ZNF174: variants seen among roughly 807,000 people sequenced by gnomAD.
ZNF174 encodes AW-1.
In ZNF174, 30 loss-of-function variants were observed where a neutral mutation model predicts 38.7. The observed-to-expected ratio is 0.78, with a 90% CI of 0.58 to 1.05. The LOEUF is 1.05. ZNF174 is among the 50% of genes least tolerant of loss of function. ZNF174 has a pLI of 0.00. For synonymous variants in ZNF174, 201 were observed against 181.7 expected, an observed-to-expected ratio of 1.11 and a Z score of -0.86; for missense variants, 499 against 495.6, an observed-to-expected ratio of 1.01 and a Z score of -0.06.
rs762610681 is a variant in ZNF174 at position 3,408,276 on chromosome 16, T to C, written c.626-45T>C. 3 of 1,518,574 alleles carry C rather than the reference T, an allele frequency of 2.0e-6. No individual in the cohort carries two copies. The Admixed American group carries it at 6.6e-5, about 33-fold the overall frequency. 94.1% of individuals were successfully genotyped at this position (1,518,574 alleles called of 1,614,324 possible). ...TATTTCATAACTCTTGCTGAAGTTATTTCTTCCAAGTGCAGAAAATGAAGC... is the reference window on the plus strand; with the variant it reads ...TATTTCATAACTCTTGCTGAAGTTACTTCTTCCAAGTGCAGAAAATGAAGC... On this transcript the variant is annotated intron_variant, in intron 2 of 2. Transcript: ENST00000268655.
chr16:3,404,053 C>T (rs1174082653), intron 1 of ZNF174, among the ~76,000 whole-genome samples: 2 of 152,188 alleles, frequency 1.3e-5, no homozygotes, highest in Non-Finnish European at 2.9e-5. Context: ...CACCATACTG[C>T]TTCCTGTTCC....
Position 3,409,094 on chromosome 16 carries a change from C to T in ZNF174, c.*175C>T, listed in dbSNP as rs57170601. On this transcript the variant is annotated 3_prime_UTR_variant, in exon 3 of 3. Coordinates refer to ENST00000268655, the MANE Select transcript of ZNF174 (RefSeq NM_003450.3). ...CAGAAAAGGCCAACCAGGGCCCAAC[C>T]GTGCATGATGACAGGGTGAAGAGAA... 2.2e-3 allele frequency: 1,489 copies of T among 676,960 alleles called. 18 individuals are homozygous for T. In the African/African-American group the frequency reaches 0.024, roughly 11 times the overall value. The allele number at this position is 676,960 out of a possible 1,614,324, so 41.9% of individuals were successfully genotyped here. A position where few individuals can be genotyped will look rare whatever the true frequency, so the allele number is the denominator to read the frequency against.
intron 2 of ZNF174, among the ~76,000 whole-genome samples, chr16:3,406,999 A>G (rs1020892063): frequency 2.6e-5 from 4 of 152,210 alleles, no homozygotes; most frequent in African/African-American, 9.7e-5. Flanking sequence ...CAATCTGATC[A>G]GGGGTCTGTC....
At chr16:3,403,202 CTG>C (rs2033990071) in intron 1 of ZNF174, among the ~76,000 whole-genome samples, 1 of 102,978 alleles carries the variant, frequency 9.7e-6, no homozygotes, top group South Asian at 3.3e-4. Flanking sequence ...TGGAGTCTTG[CTG>C]TGTTTCCCAA....
Position 3,401,759 on chromosome 16 carries a change from C to T in ZNF174, c.-246C>T, listed in dbSNP as rs1332609532. 6.4e-6 allele frequency: 3 copies of T among 471,856 alleles called. No individual in the cohort carries two copies. Among genetic ancestry groups the T allele is most frequent in the African/African-American group, 4.0e-5 (2 of 49,608 alleles). The allele number at this position is 471,856 out of a possible 1,614,324, so 29.2% of individuals were successfully genotyped here. Reference sequence around the variant, plus strand: ...GTCCTTTTAGGACGTTATGACTTTTCTCCTTTGCAAGACTGCAAAAAACTG... The same window carrying T: ...GTCCTTTTAGGACGTTATGACTTTTTTCCTTTGCAAGACTGCAAAAAACTG... On this transcript the variant is annotated 5_prime_UTR_variant, in exon 1 of 3. Transcript: ENST00000268655.
At chr16:3,402,826 G>A (rs2033973656) in intron 1 of ZNF174, among the ~76,000 whole-genome samples, 1 of 152,160 alleles carries the variant, frequency 6.6e-6, no homozygotes, top group Non-Finnish European at 1.5e-5. Flanking sequence ...GAAGTGGACT[G>A]GATGGCTTCA....
In ZNF174 at chr16:3,401,270, G is replaced by A. The variant is rs2033885648; in HGVS notation, c.-735G>A. 1 of 152,548 alleles carries A rather than the reference G, an allele frequency of 6.6e-6. No individual in the cohort carries two copies. Among genetic ancestry groups the A allele is most frequent in the South Asian group, 2.1e-4 (1 of 4,836 alleles). The allele number at this position is 152,548 out of a possible 1,614,324, so 9.4% of individuals were successfully genotyped here. On this transcript the variant is annotated 5_prime_UTR_variant, in exon 1 of 3. Transcript: ENST00000268655. ...TCCCTCGGTCTTGGGTTCCCGGAGA[G>A]GTGAGTCGGCTGCAGGTGGGTGCGG...
chr16:3,407,690 C>T (rs2034074396), intron 2 of ZNF174, among the ~76,000 whole-genome samples: 3 of 152,286 alleles, frequency 2.0e-5, no homozygotes, highest in African/African-American at 7.2e-5. Flanking sequence ...CCTGTGATTT[C>T]CCATAGGCCG....
chr16:3,401,736 C>T lies in ZNF174; in HGVS notation c.-269C>T. On this transcript the variant is annotated 5_prime_UTR_variant, in exon 1 of 3. Transcript: ENST00000268655. The stretch of plus-strand genomic sequence containing the variant: ...AAAAGAAGTATTTTTTCCCCAGAGT[C>T]CTTTTAGGACGTTATGACTTTTCTC... 1 of 390,962 alleles carries T rather than the reference C, an allele frequency of 2.6e-6. No homozygotes were observed. The highest frequency in any genetic ancestry group is 4.6e-6 in the Non-Finnish European group (1 of 217,356). 24.2% of individuals were successfully genotyped at this position (390,962 alleles called of 1,614,324 possible).
intron 1 of ZNF174, among the ~76,000 whole-genome samples, chr16:3,403,248 C>T (rs1567340100): frequency 7.1e-6 from 1 of 141,290 alleles, no homozygotes; most frequent in African/African-American, 2.7e-5. Flanking sequence ...CAGCCCACTG[C>T]AACCTCTGCA....
At chr16:3,404,678 A>C (rs775167593) in intron 2 of ZNF174, 30 bp downstream of exon 2, 12 of 1,611,736 alleles carry the variant, frequency 7.4e-6, no homozygotes, top group Non-Finnish European at 1.0e-5. Context: ...TCTCCCTCTC[A>C]TCAGCCCTTT....
At position 3,404,666 on chromosome 16, in the gene ZNF174, T is replaced by C. The variant is rs1167170152; in HGVS notation, c.625+18T>C. On this transcript the variant is annotated intron_variant, in intron 2 of 2. Transcript: ENST00000268655. The stretch of plus-strand genomic sequence containing the variant: ...TGGGACAGGTAAACACTCTGCCTTT[T>C]CTCTCCCTCTCATCAGCCCTTTATC... 1.2e-6 allele frequency: 2 copies of C among 1,613,618 alleles called. No homozygotes were observed. The highest frequency in any genetic ancestry group is 1.7e-6 in the Non-Finnish European group (2 of 1,179,542).
Position 3,408,511 on chromosome 16 carries a change from A to G in ZNF174, c.816A>G (p.Pro272=). Residue 272 remains proline (P), a synonymous_variant, in exon 3 of 3, where the codon CCA becomes CCG. Coordinates refer to ENST00000268655, the MANE Select transcript of ZNF174 (RefSeq NM_003450.3). The part of the protein sequence containing the change: ...RQVSSPNAQK[P]FAHYQRHCRV... Reference sequence around the variant, plus strand: ...TCAGCTCCCCAAATGCTCAAAAGCCATTTGCTCACTACCAGAGACATTGCA... The same window carrying G: ...TCAGCTCCCCAAATGCTCAAAAGCCGTTTGCTCACTACCAGAGACATTGCA... 1 of 1,614,160 alleles carries G rather than the reference A, an allele frequency of 6.2e-7. No individual in the cohort carries two copies. Among genetic ancestry groups the G allele is most frequent in the Non-Finnish European group, 8.5e-7 (1 of 1,180,030 alleles).
rs779254597 is a variant in ZNF174 at position 3,408,363 on chromosome 16, A to G, written c.668A>G (p.Gln223Arg). The change falls in exon 3 of 3, where the codon CAG (glutamine) becomes CGG (arginine). Residue 223 changes from glutamine to arginine, a missense_variant. By Grantham distance (43) the Gln-to-Arg change is conservative. Transcript: ENST00000268655. ...AGTGACAACAAGGAAAATCCACAAC[A>G]GGAAGGGGCTAAAGGAGCAAAGCCA... ...MRSDNKENPQ[Q>R]EGAKGAKPCA... 6.2e-7 allele frequency: 1 copy of G among 1,607,524 alleles called. No individual in the cohort carries two copies. The highest frequency in any genetic ancestry group is 8.5e-7 in the Non-Finnish European group (1 of 1,177,130).
At position 3,408,678 on chromosome 16, in the gene ZNF174, G is replaced by C; in HGVS notation, c.983G>C (p.Cys328Ser). 6.2e-7 allele frequency: 1 copy of C among 1,614,152 alleles called. No homozygotes were observed. Among genetic ancestry groups the C allele is most frequent in the Non-Finnish European group, 8.5e-7 (1 of 1,180,040 alleles). ...PTRSAKKPYK[C>S]DDCGKSFTWN... Reference sequence around the variant, plus strand: ...CGCTCAGCAAAGAAACCCTACAAATGTGATGACTGTGGGAAAAGCTTCACG... The same window carrying C: ...CGCTCAGCAAAGAAACCCTACAAATCTGATGACTGTGGGAAAAGCTTCACG... The change falls in exon 3 of 3, where the codon TGT becomes TCT. Residue 328 changes from cysteine to serine, a missense_variant. Physicochemically the swap from Cys to Ser is moderately radical, Grantham distance 112. Coordinates refer to ENST00000268655, the MANE Select transcript of ZNF174 (RefSeq NM_003450.3).
At chr16:3,404,953 C>G (rs1298367079) in intron 2 of ZNF174, 2 of 1,614,062 alleles carry the variant, frequency 1.2e-6, no homozygotes, top group Non-Finnish European at 1.7e-6. Flanking sequence ...CACAGATGAA[C>G]TTCCATGCAA....
At position 3,402,415 on chromosome 16, in the gene ZNF174, G is replaced by T. The variant is rs373362212; in HGVS notation, c.402+9G>T. 1 of 1,591,424 alleles carries T rather than the reference G, an allele frequency of 6.3e-7. No homozygotes were observed. The highest frequency in any genetic ancestry group is 1.9e-5 in the Admixed American group (1 of 51,832). ...AGAAACCAAAGCAGTGGGTAAGGAG[G>T]GTCCTCTCCCATCATCCTGGGGATT... On this transcript the variant is annotated intron_variant, in intron 1 of 2. Transcript: ENST00000268655.
Position 3,401,223 on chromosome 16 carries a change from C to A in ZNF174, c.-782C>A, listed in dbSNP as rs1253677519. 1 of 152,322 alleles carries A rather than the reference C, an allele frequency of 6.6e-6. No homozygotes were observed. Among genetic ancestry groups the A allele is most frequent in the Non-Finnish European group, 1.5e-5 (1 of 68,140 alleles). 9.4% of individuals were successfully genotyped at this position (152,322 alleles called of 1,614,324 possible). A position where few individuals can be genotyped will look rare whatever the true frequency, so the allele number is the denominator to read the frequency against. ...GCATCGGCCCCGCCCCCAGCCCGTG[C>A]TCGCCGGTGTCGGGTCCTAAGTCCC... On this transcript the variant is annotated 5_prime_UTR_variant, in exon 1 of 3. Transcript: ENST00000268655.
chr16:3,408,752 C>A lies in ZNF174; in HGVS notation c.1057C>A (p.Pro353Thr). ...RHKRVHTGER[P>T]YTCGECGNCF... is the part of the protein sequence containing the mutation. ...CAAGAGAGTCCACACAGGAGAGAGACCCTACACGTGCGGAGAGTGTGGAAA... is the reference window on the plus strand; with the variant it reads ...CAAGAGAGTCCACACAGGAGAGAGAACCTACACGTGCGGAGAGTGTGGAAA... Residue 353 changes from proline to threonine, a missense_variant, in exon 3 of 3, where the codon CCC becomes ACC. Transcript: ENST00000268655. 6.2e-7 allele frequency: 1 copy of A among 1,614,160 alleles called. No homozygotes were observed. Among genetic ancestry groups the A allele is most frequent in the Non-Finnish European group, 8.5e-7 (1 of 1,180,036 alleles).
Sources: allele counts gnomAD v4.1 joint callset (sites outside exome capture counted in the v4.1 genomes callset), GRCh38; gene constraint gnomAD v4.1.1; transcripts MANE v1.5; gene names NCBI Gene and HGNC (gene_info 2026-07-23, HGNC 2026-07-21).